DLG2: variants seen among roughly 807,000 people sequenced by gnomAD.
DLG2 encodes the protein discs large MAGUK scaffold protein 2.
A neutral mutation model predicts 132.5 loss-of-function variants in DLG2; 45 were observed. That is an observed-to-expected ratio of 0.34 (90% CI 0.27 to 0.44). The LOEUF (loss-of-function observed/expected upper bound fraction) is 0.44, where lower values mean the gene tolerates loss of function less well. Among genes scored for constraint, DLG2 ranks in the 20% least tolerant of loss-of-function variants. DLG2 has a pLI of 1.00. For missense variants in DLG2, 1,045 were observed against 1,196.9 expected, an observed-to-expected ratio of 0.87 and a Z score of 1.87; for synonymous variants, 424 against 419.6, an observed-to-expected ratio of 1.01 and a Z score of -0.13.
rs2098715507 is a variant in DLG2 at position 84,373,265 on chromosome 11, C to CAAAACAAA, written c.520-121982_520-121975dup. On this transcript the variant is annotated intron_variant, in intron 7 of 27. Coordinates refer to ENST00000376104, the MANE Select transcript of DLG2 (RefSeq NM_001142699.3). ...AGAAACAGTCAAAAAAAAAAAAAAACAAAACAAAAAAAAAACCCACCAGGC... is the reference window on the plus strand; with the variant it reads ...AGAAACAGTCAAAAAAAAAAAAAAACAAAACAAAAAAACAAAAAAAAAACCCACCAGGC... Among the ~76,000 whole-genome samples, 69 of 98,052 alleles carry CAAAACAAA rather than the reference C, an allele frequency of 7.0e-4. 4 individuals are homozygous for CAAAACAAA. The highest frequency in any genetic ancestry group is 3.0e-3 in the African/African-American group (66 of 21,952). 64.3% of individuals were successfully genotyped at this position (98,052 alleles called of 152,430 possible).
chr11:84,588,334 AC>A (rs2099534662), intron 6 of DLG2, among the ~76,000 whole-genome samples: 1 of 152,008 alleles, frequency 6.6e-6, no homozygotes, highest in East Asian at 1.9e-4. Flanking sequence ...TTTCAGCCCC[AC>A]CCCCAAACAC....
chr11:84,308,955 G>A (rs1479001215), intron 7 of DLG2, among the ~76,000 whole-genome samples: 1 of 152,170 alleles, frequency 6.6e-6, no homozygotes, highest in African/African-American at 2.4e-5. Context: ...AGCCGGCTCC[G>A]GCCTTGGCCA....
chr11:85,444,052 C>T (rs892255915), intron 3 of DLG2, among the ~76,000 whole-genome samples: 2 of 152,088 alleles, frequency 1.3e-5, no homozygotes, highest in Non-Finnish European at 2.9e-5. Flanking sequence ...TTATGTAGAA[C>T]CAACTTTTCA....
chr11:84,361,557 T>C (rs1416923636), intron 7 of DLG2, among the ~76,000 whole-genome samples: 1 of 151,954 alleles, frequency 6.6e-6, no homozygotes, highest in Non-Finnish European at 1.5e-5. Flanking sequence ...CAAAGGAAGA[T>C]TTGTGGGCAA....
At chr11:84,430,743 T>G (rs2098982152) in intron 7 of DLG2, among the ~76,000 whole-genome samples, 1 of 152,192 alleles carries the variant, frequency 6.6e-6, no homozygotes, top group Non-Finnish European at 1.5e-5. Flanking sequence ...TGGGCAGCAG[T>G]TCTGGGACCT....
intron 6 of DLG2, among the ~76,000 whole-genome samples, chr11:84,623,674 ACCT>A (rs1409663638): frequency 1.3e-5 from 2 of 152,142 alleles, no homozygotes; most frequent in Non-Finnish European, 2.9e-5. Flanking sequence ...AATAGTTACT[ACCT>A]CAATTACTTG....
rs1555630792 is a variant in DLG2, at chr11:84,502,186, T to TTCTCTC, written c.519+32378_519+32383dup. On this transcript the variant is annotated intron_variant, in intron 7 of 27. Coordinates refer to ENST00000376104, the MANE Select transcript of DLG2 (RefSeq NM_001142699.3). ...TCTCTCTCTCTCTCTTTCTCTCTCT[T>TTCTCTC]TCTCTCTCTCTCTCTCCTTCCTTCC... Among the ~76,000 whole-genome samples the TTCTCTC allele has an allele frequency of 8.7e-3, 112 of 12,878 alleles. 28 individuals carry two copies. Among genetic ancestry groups the TTCTCTC allele is most frequent in the Non-Finnish European group, 0.016 (80 of 5,014 alleles). The allele number at this position is 12,878 out of a possible 152,430, so 8.4% of individuals were successfully genotyped here.
chr11:85,123,943 A>C (rs1371480154), intron 5 of DLG2, among the ~76,000 whole-genome samples: 1 of 152,232 alleles, frequency 6.6e-6, no homozygotes, highest in African/African-American at 2.4e-5. Context: ...GCAAAGTATT[A>C]TTCACTGAAG....
chr11:83,703,016 A>G (rs2083239718), intron 18 of DLG2, among the ~76,000 whole-genome samples: 1 of 152,274 alleles, frequency 6.6e-6, no homozygotes, highest in Non-Finnish European at 1.5e-5. Flanking sequence ...AAAATATATT[A>G]TCCTCTATGG....
chr11:83,804,174 C>T (rs912138889), intron 17 of DLG2, among the ~76,000 whole-genome samples: 8 of 152,146 alleles, frequency 5.3e-5, no homozygotes, highest in Non-Finnish European at 1.0e-4. Context: ...ATCAAATCTT[C>T]CCAATTGCAA....
intron 18 of DLG2, among the ~76,000 whole-genome samples, chr11:83,668,067 G>GAAAAAAAA: frequency 2.1e-5 from 1 of 48,116 alleles, no homozygotes; most frequent in Admixed American, 1.8e-4. Flanking sequence ...GGGAAATGAA[G>GAAAAAAAA]TAAAAAAAAA....
intron 6 of DLG2, among the ~76,000 whole-genome samples, chr11:84,893,523 C>T (rs2089746734): frequency 6.6e-6 from 1 of 152,144 alleles, no homozygotes; most frequent in Non-Finnish European, 1.5e-5. Context: ...CAGGTCCCTT[C>T]TTCCTATGCT....
intron 3 of DLG2, among the ~76,000 whole-genome samples, chr11:85,499,698 TA>T (rs1263633937): frequency 1.3e-5 from 2 of 152,174 alleles, no homozygotes; most frequent in Non-Finnish European, 2.9e-5. Flanking sequence ...AAATCCTCAA[TA>T]AAATACTGGC....
intron 4 of DLG2, among the ~76,000 whole-genome samples, chr11:85,228,460 G>T (rs77761775): frequency 4.9e-4 from 75 of 152,204 alleles, no homozygotes; most frequent in Non-Finnish European, 8.7e-4. Flanking sequence ...ACATATTTTA[G>T]AATGCTTCCC....
chr11:84,174,147 T>A (rs1462520802), intron 8 of DLG2, among the ~76,000 whole-genome samples: 1 of 148,482 alleles, frequency 6.7e-6, no homozygotes, highest in Non-Finnish European at 1.5e-5. Context: ...ATATCTCTGT[T>A]AAGGAGATTT....
rs139975410 is a variant in DLG2 at position 85,486,845 on chromosome 11, C to T, written c.40+111812G>A. On this transcript the variant is annotated intron_variant, in intron 3 of 27. Transcript: ENST00000376104. ...AGCCACCTGGGGATCCAAGAATTGG[C>T]GCTCCAGGACCACTAACAGGTGCGA... Among the ~76,000 whole-genome samples, 114 of 151,982 alleles carry T rather than the reference C, an allele frequency of 7.5e-4. 1 individual carries two copies. In the East Asian group the frequency reaches 0.016, roughly 21 times the overall value.
At chr11:84,144,078 T>C (rs1022264175) in intron 9 of DLG2, among the ~76,000 whole-genome samples, 1 of 152,054 alleles carries the variant, frequency 6.6e-6, no homozygotes, top group South Asian at 2.1e-4. Context: ...GTCTAAGAAG[T>C]TGGGGCCCTA....
intron 7 of DLG2, among the ~76,000 whole-genome samples, chr11:84,385,311 T>C (rs925086231): frequency 1.3e-5 from 2 of 152,130 alleles, no homozygotes; most frequent in Non-Finnish European, 2.9e-5. Context: ...CAGCCCCAAA[T>C]GAATATTATT....
At chr11:83,914,218 A>C (rs1033384354) in intron 15 of DLG2, among the ~76,000 whole-genome samples, 1 of 151,938 alleles carries the variant, frequency 6.6e-6, no homozygotes, top group Non-Finnish European at 1.5e-5. Context: ...GTGAGTTTTC[A>C]CTGTTAGTTC....
Sources: gnomAD v4.1 joint callset for allele counts (sites outside exome capture counted in the v4.1 genomes callset) on GRCh38, gnomAD v4.1.1 for gene constraint, MANE v1.5 for transcripts, NCBI Gene and HGNC (gene_info 2026-07-23, HGNC 2026-07-21) for gene names.